NFILZ: variants seen among roughly 807,000 people sequenced by gnomAD.
NFILZ encodes the protein NFIL3 like protein.
rs116135117 is a variant in NFILZ at position 8,671,313 on chromosome 19, A to G, written c.-163-3238A>G. ...TTCCTCTGCGACCACAGGAAGGCCCAGCCCAGCTCTTACTGTGTTTTCTTT... is the reference window on the plus strand; with the variant it reads ...TTCCTCTGCGACCACAGGAAGGCCCGGCCCAGCTCTTACTGTGTTTTCTTT... On this transcript the variant is annotated intron_variant, in intron 3 of 5. Transcript: ENST00000691075. Among the ~76,000 whole-genome samples the G allele has an allele frequency of 6.2e-3, 944 of 152,220 alleles. 13 individuals carry two copies. The highest frequency in any genetic ancestry group is 0.022 in the African/African-American group (905 of 41,536).
chr19:8,667,760 G>C (rs1364614843), intron 3 of NFILZ, among the ~76,000 whole-genome samples: 1 of 151,812 alleles, frequency 6.6e-6, no homozygotes, highest in Non-Finnish European at 1.5e-5. Context: ...TGGCCAGTCT[G>C]GTCTCGAACT....
At chr19:8,631,572 C>T (rs2042869613) in intron 1 of NFILZ, among the ~76,000 whole-genome samples, 1 of 152,126 alleles carries the variant, frequency 6.6e-6, no homozygotes, top group African/African-American at 2.4e-5. Flanking sequence ...GAGTCTTGGC[C>T]CCCTCTTCCC....
At chr19:8,664,291 T>C (rs1555749534) in intron 3 of NFILZ, among the ~76,000 whole-genome samples, 1 of 152,190 alleles carries the variant, frequency 6.6e-6, no homozygotes, top group Non-Finnish European at 1.5e-5. Flanking sequence ...AGGAGTCACT[T>C]GTCCAAGTGT....
chr19:8,645,230 C>T (rs564743488), intron 3 of NFILZ, among the ~76,000 whole-genome samples: 1 of 151,800 alleles, frequency 6.6e-6, no homozygotes, highest in Non-Finnish European at 1.5e-5. Context: ...AACTCCTGGG[C>T]TCAAGTGATC....
At chr19:8,643,190 A>G (rs1555746807) in intron 3 of NFILZ, among the ~76,000 whole-genome samples, 1 of 152,090 alleles carries the variant, frequency 6.6e-6, no homozygotes, top group East Asian at 1.9e-4. Flanking sequence ...GCTCAAGTGA[A>G]GTTCCTGCAT....
chr19:8,652,727 A>G (rs974434248), intron 3 of NFILZ, among the ~76,000 whole-genome samples: 1 of 152,182 alleles, frequency 6.6e-6, no homozygotes, highest in South Asian at 2.1e-4. Flanking sequence ...ATTATATCAG[A>G]CATTAACCAA....
Position 8,637,342 on chromosome 19 carries a change from A to G in NFILZ, c.-164+1596A>G, listed in dbSNP as rs572565702. On this transcript the variant is annotated intron_variant, in intron 3 of 5. Coordinates refer to ENST00000691075, the MANE Select transcript of NFILZ (RefSeq NM_001378600.1). ...CCTGGGCAATAGAAAAAAAACCAAA[A>G]CCAAACCAAAACAAAACCTTAAACA... Among the ~76,000 whole-genome samples, 8 of 151,814 alleles carry G rather than the reference A, an allele frequency of 5.3e-5. No individual in the cohort carries two copies. In the South Asian group the frequency reaches 6.3e-4, roughly 12 times the overall value.
intron 3 of NFILZ, among the ~76,000 whole-genome samples, chr19:8,666,893 C>G (rs2146167757): frequency 1.3e-5 from 2 of 150,586 alleles, no homozygotes; most frequent in South Asian, 4.2e-4. Flanking sequence ...CACCACCATG[C>G]CCGGCTAATT....
chr19:8,679,042 A>G lies in NFILZ; in HGVS notation c.*1407A>G, dbSNP rs1482160577. On this transcript the variant is annotated 3_prime_UTR_variant, in exon 6 of 6. Coordinates refer to ENST00000691075, the MANE Select transcript of NFILZ (RefSeq NM_001378600.1). Reference sequence around the variant, plus strand: ...ACCACCCAGTTTGAGGGGCAGACATATTGGCTTCTTCTGTGTCTTGGATCA... The same window carrying G: ...ACCACCCAGTTTGAGGGGCAGACATGTTGGCTTCTTCTGTGTCTTGGATCA... 6.8e-6 allele frequency among the ~76,000 whole-genome samples: 1 copy of G among 146,338 alleles called. No homozygotes were observed. The highest frequency in any genetic ancestry group is 1.5e-5 in the Non-Finnish European group (1 of 66,604).
chr19:8,662,951 C>CTTT (rs139212687), intron 3 of NFILZ, among the ~76,000 whole-genome samples: 1 of 140,654 alleles, frequency 7.1e-6, no homozygotes, highest in Non-Finnish European at 1.6e-5. Context: ...TTTCTTTTTC[C>CTTT]TTTTTTTTTT....
rs2043121341 is a variant in NFILZ, at chr19:8,678,057, CA to C, written c.*423del. Among the ~76,000 whole-genome samples, 1 of 29,580 alleles carries C rather than the reference CA, an allele frequency of 3.4e-5. No homozygotes were observed. The highest frequency in any genetic ancestry group is 8.2e-5 in the Non-Finnish European group (1 of 12,190). 19.4% of individuals were successfully genotyped at this position (29,580 alleles called of 152,430 possible). On this transcript the variant is annotated 3_prime_UTR_variant, in exon 6 of 6. Transcript: ENST00000691075. ...CCATCCATCCATCCATCCATCCACC[CA>C]TCTATTCATCCATCCATCAATCCAT...
chr19:8,643,456 G>GA (rs1338284724), intron 3 of NFILZ, among the ~76,000 whole-genome samples: 1 of 152,178 alleles, frequency 6.6e-6, no homozygotes, highest in Non-Finnish European at 1.5e-5. Context: ...CATTATTTCT[G>GA]AGTGTATCTG....
intron 2 of NFILZ, among the ~76,000 whole-genome samples, chr19:8,633,107 G>C (rs1350178666): frequency 7.0e-6 from 1 of 142,496 alleles, no homozygotes; most frequent in Non-Finnish European, 1.5e-5. Context: ...TGCACCCTCT[G>C]CCTCCTGGGT....
intron 3 of NFILZ, among the ~76,000 whole-genome samples, chr19:8,644,668 G>A (rs782534453): frequency 1.3e-5 from 2 of 151,818 alleles, no homozygotes; most frequent in Admixed American, 6.6e-5. Flanking sequence ...GTCTTACCGT[G>A]TTGCCCAGGC....
At chr19:8,656,443 CTCG>C (rs2043000830) in intron 3 of NFILZ, among the ~76,000 whole-genome samples, 1 of 93,670 alleles carries the variant, frequency 1.1e-5, no homozygotes, top group African/African-American at 4.6e-5. Flanking sequence ...CCACCTTCTC[CTCG>C]AAGCCCACCT....
intron 3 of NFILZ, among the ~76,000 whole-genome samples, chr19:8,651,272 C>T (rs1400947812): frequency 6.6e-6 from 1 of 151,946 alleles, no homozygotes; most frequent in Non-Finnish European, 1.5e-5. Context: ...AGCGATTCTC[C>T]TGCCTCAGCC....
At position 8,645,253 on chromosome 19, in the gene NFILZ, C is replaced by T. The variant is rs1284638888; in HGVS notation, c.-164+9507C>T. 2.0e-5 allele frequency among the ~76,000 whole-genome samples: 3 copies of T among 151,832 alleles called. No homozygotes were observed. In the South Asian group the frequency reaches 6.2e-4, roughly 32 times the overall value. Reference sequence around the variant, plus strand: ...GGCTCAAGTGATCCTCCCACCTCAGCCTCCTGAGTAGCTGGGACCTCATGT... The same window carrying T: ...GGCTCAAGTGATCCTCCCACCTCAGTCTCCTGAGTAGCTGGGACCTCATGT... On this transcript the variant is annotated intron_variant, in intron 3 of 5. Transcript: ENST00000691075.
At chr19:8,669,340 C>T (rs1477954660) in intron 3 of NFILZ, among the ~76,000 whole-genome samples, 2 of 152,140 alleles carry the variant, frequency 1.3e-5, no homozygotes, top group African/African-American at 4.8e-5. Flanking sequence ...CTTATTTATT[C>T]CTTATACAAC....
At chr19:8,653,017 T>TTTCC (rs1568420450) in intron 3 of NFILZ, among the ~76,000 whole-genome samples, 1 of 50,816 alleles carries the variant, frequency 2.0e-5, no homozygotes, top group Non-Finnish European at 4.1e-5. Context: ...CCTTCCTTTC[T>TTTCC]TTCTTTCTTT....
Sources: allele counts gnomAD v4.1 joint callset (sites outside exome capture counted in the v4.1 genomes callset), GRCh38; gene constraint gnomAD v4.1.1; transcripts MANE v1.5; gene names NCBI Gene and HGNC (gene_info 2026-07-23, HGNC 2026-07-21).